Variants in NPAS3 observed in about 807,000 individuals in gnomAD.
The protein encoded by NPAS3 is neuronal PAS domain protein 3.
In NPAS3, 14 loss-of-function variants were observed where a neutral mutation model predicts 73.1. The observed-to-expected ratio is 0.19, with a 90% CI of 0.13 to 0.30. The LOEUF is 0.30. NPAS3 is among the 10% of genes least tolerant of loss of function. The pLI, the probability that NPAS3 is intolerant of heterozygous loss-of-function variation, is 1.00. For synonymous variants in NPAS3, 620 were observed against 541.5 expected (o/e 1.14, Z -2.01); for missense variants, 1,096 against 1,250.0 (o/e 0.88, Z 1.86).
At chr14:33,634,027 A>G (rs1005550375) in intron 5 of NPAS3, among the ~76,000 whole-genome samples, 2 of 152,176 alleles carry the variant, frequency 1.3e-5, no homozygotes, top group African/African-American at 2.4e-5. Context: ...ACTGCTGTAT[A>G]TAATCTGCTT....
chr14:33,399,030 G>A (rs1594835064), intron 4 of NPAS3, among the ~76,000 whole-genome samples: 1 of 152,110 alleles, frequency 6.6e-6, no homozygotes. Context: ...TTAAGAGTTC[G>A]AGCCGTCTTG....
chr14:33,228,618 AT>A (rs1478061162), intron 3 of NPAS3, among the ~76,000 whole-genome samples: 1 of 152,104 alleles, frequency 6.6e-6, no homozygotes, highest in Non-Finnish European at 1.5e-5. Context: ...TCCTCTAAAT[AT>A]TTGAATATTT....
At chr14:33,534,210 A>G (rs1290575851) in intron 4 of NPAS3, among the ~76,000 whole-genome samples, 1 of 95,332 alleles carries the variant, frequency 1.0e-5, no homozygotes, top group Non-Finnish European at 2.0e-5. Context: ...ACTATTTCAC[A>G]GAGCAGTAAA....
At chr14:33,762,448 G>T (rs1003053057) in intron 7 of NPAS3, among the ~76,000 whole-genome samples, 5 of 152,144 alleles carry the variant, frequency 3.3e-5, no homozygotes, top group African/African-American at 7.2e-5. Flanking sequence ...GGGGGAGGGA[G>T]GACTTTTATT....
intron 2 of NPAS3, among the ~76,000 whole-genome samples, chr14:33,184,086 C>T (rs2045899033): frequency 6.6e-6 from 1 of 152,158 alleles, no homozygotes; most frequent in Non-Finnish European, 1.5e-5. Flanking sequence ...AGCTATAGTT[C>T]CTGCCATCTG....
intron 2 of NPAS3, among the ~76,000 whole-genome samples, chr14:33,198,976 C>T (rs902778073): frequency 3.3e-5 from 5 of 152,212 alleles, no homozygotes; most frequent in Non-Finnish European, 5.9e-5. Context: ...GCTGCTGGCC[C>T]AGATGCTAAG....
chr14:33,047,580 G>A (rs994199343), intron 1 of NPAS3, among the ~76,000 whole-genome samples: 2 of 152,192 alleles, frequency 1.3e-5, no homozygotes, highest in African/African-American at 4.8e-5. Context: ...AGGAACCTAA[G>A]TCTCTGACCA....
At chr14:33,439,428 C>G (rs1299612121) in intron 4 of NPAS3, among the ~76,000 whole-genome samples, 1 of 152,158 alleles carries the variant, frequency 6.6e-6, no homozygotes, top group Non-Finnish European at 1.5e-5. Flanking sequence ...CATCTCTGAG[C>G]TAAGATATCA....
exon 11 of NPAS3, chr14:33,797,488 A>G (rs780964784): frequency 1.9e-6 from 3 of 1,614,106 alleles, no homozygotes; most frequent in East Asian, 4.5e-5. Flanking sequence ...ACCCATGGAC[A>G]TCGCACAGCT....
chr14:33,092,226 C>T (rs1011441465), intron 2 of NPAS3, among the ~76,000 whole-genome samples: 8 of 152,152 alleles, frequency 5.3e-5, no homozygotes, highest in Admixed American at 1.3e-4. Context: ...AAAACCCCAT[C>T]GTCTCAGCCC....
At chr14:33,548,870 T>C (rs151023766) in intron 4 of NPAS3, among the ~76,000 whole-genome samples, 7 of 152,352 alleles carry the variant, frequency 4.6e-5, no homozygotes, top group African/African-American at 1.7e-4. Context: ...TCACATGTGT[T>C]GATAGCACTC....
intron 2 of NPAS3, among the ~76,000 whole-genome samples, chr14:33,135,228 A>G (rs2043788853): frequency 6.6e-6 from 1 of 152,174 alleles, no homozygotes; most frequent in African/African-American, 2.4e-5. Context: ...GGACAAGTAA[A>G]AGTGAGGAGA....
rs56204986 is a variant in NPAS3, at chr14:33,301,324, T to TATATATATATA, written c.386-65862_386-65861insATATATATATA. On this transcript the variant is annotated intron_variant, in intron 3 of 11. Transcript: ENST00000356141. The stretch of plus-strand genomic sequence containing the variant: ...TTTATCATTATATATATATATATAT[T>TATATATATATA]TTTTTTTTTTAAATCTAGCTGTAAT... 4.3e-3 allele frequency among the ~76,000 whole-genome samples: 326 copies of TATATATATATA among 75,572 alleles called. 29 individuals carry two copies. Among genetic ancestry groups the TATATATATATA allele is most frequent in the East Asian group, 7.5e-3 (18 of 2,404 alleles). The allele number at this position is 75,572 out of a possible 152,430, so 49.6% of individuals were successfully genotyped here. A position where few individuals can be genotyped will look rare whatever the true frequency, so the allele number is the denominator to read the frequency against.
chr14:33,625,927 C>T (rs773715445), intron 5 of NPAS3, among the ~76,000 whole-genome samples: 12 of 151,992 alleles, frequency 7.9e-5, no homozygotes, highest in Non-Finnish European at 1.5e-4. Flanking sequence ...GTCTGTCTGC[C>T]ATTTGTGGTC....
intron 6 of NPAS3, among the ~76,000 whole-genome samples, chr14:33,698,209 G>A (rs1424014170): frequency 2.0e-5 from 3 of 152,140 alleles, no homozygotes; most frequent in South Asian, 2.1e-4. Context: ...CAGGTGTCAA[G>A]AGACATGTAA....
At chr14:33,683,266 C>A (rs1321816736) in intron 6 of NPAS3, among the ~76,000 whole-genome samples, 1 of 151,908 alleles carries the variant, frequency 6.6e-6, no homozygotes, top group East Asian at 1.9e-4. Context: ...TTTAGGAAGT[C>A]AATTTTTTAA....
chr14:33,003,887 C>T (rs1300638015), intron 1 of NPAS3, among the ~76,000 whole-genome samples: 1 of 152,132 alleles, frequency 6.6e-6, no homozygotes, highest in African/African-American at 2.4e-5. Context: ...ACCACACTTA[C>T]CCTGGAATTT....
chr14:33,350,528 C>T (rs149036965), intron 3 of NPAS3, among the ~76,000 whole-genome samples: 1 of 152,282 alleles, frequency 6.6e-6, no homozygotes, highest in African/African-American at 2.4e-5. Flanking sequence ...AGTAGGACCC[C>T]CCTCTGGGTG....
intron 4 of NPAS3, among the ~76,000 whole-genome samples, chr14:33,501,441 T>G (rs901726436): frequency 2.0e-5 from 3 of 151,890 alleles, no homozygotes; most frequent in African/African-American, 4.8e-5. Context: ...CTTTAAAAAT[T>G]TATTTTTATG....
Sources: allele counts gnomAD v4.1 joint callset (sites outside exome capture counted in the v4.1 genomes callset), GRCh38; gene constraint gnomAD v4.1.1; transcripts MANE v1.5; gene names NCBI Gene and HGNC (gene_info 2026-07-23, HGNC 2026-07-21).